RAB27B: variants seen among roughly 807,000 people sequenced by gnomAD.
The protein encoded by RAB27B is ras-related protein Rab-27B.
RAB27B carries 15 observed loss-of-function variants against 24.6 expected under a neutral mutation model. The ratio of observed to expected loss-of-function variants is 0.61; its 90% CI spans 0.41 to 0.94. RAB27B has a LOEUF of 0.94. Among genes scored for constraint, RAB27B ranks in the 40% least tolerant of loss-of-function variants. The pLI is 0.00. For missense variants in RAB27B, 261 were observed against 266.8 expected (o/e 0.98, Z 0.15); for synonymous variants, 105 against 92.5 (o/e 1.14, Z -0.78).
At chr18:54,823,343 T>G (rs1406337812) in intron 2 of RAB27B, among the ~76,000 whole-genome samples, 2 of 152,216 alleles carry the variant, frequency 1.3e-5, no homozygotes, top group Non-Finnish European at 2.9e-5. Flanking sequence ...GGCACACCCG[T>G]GCATAACTTT....
At chr18:54,880,778 C>T (rs543932969) in intron 3 of RAB27B, 2 of 152,170 alleles carry the variant, frequency 1.3e-5, no homozygotes, top group South Asian at 2.1e-4. Context: ...TGCATGATGG[C>T]AGCCTTCTCT....
chr18:54,751,517 T>TG (rs940760473), intron 2 of RAB27B, among the ~76,000 whole-genome samples: 4 of 152,124 alleles, frequency 2.6e-5, no homozygotes, highest in African/African-American at 9.7e-5. Flanking sequence ...TAAATAGACT[T>TG]GGGGGTCACA....
At chr18:54,757,557 CTT>C (rs1217685216) in intron 2 of RAB27B, among the ~76,000 whole-genome samples, 1 of 152,066 alleles carries the variant, frequency 6.6e-6, no homozygotes, top group East Asian at 1.9e-4. Context: ...TTTACAACCT[CTT>C]GTATATATAA....
At chr18:54,782,490 C>T (rs563232589) in intron 2 of RAB27B, among the ~76,000 whole-genome samples, 41 of 152,324 alleles carry the variant, frequency 2.7e-4, no homozygotes, top group Non-Finnish European at 1.3e-4. Flanking sequence ...TAAGAACCTT[C>T]ACTTCCTTCT....
chr18:54,737,632 T>G lies in RAB27B; in HGVS notation c.-20+19491T>G, dbSNP rs532178335. ...TTTGTATTTCCAGCACTTACTGCAG[T>G]GCCTGGCAAAGAGAGATGCTCAATA... On this transcript the variant is annotated intron_variant, in intron 2 of 4. Coordinates refer to the RAB27B transcript ENST00000586570. 1.2e-4 allele frequency among the ~76,000 whole-genome samples: 18 copies of G among 152,226 alleles called. No individual in the cohort carries two copies. The South Asian group carries it at 3.7e-3, about 32-fold the overall frequency.
intron 2 of RAB27B, chr18:54,745,203 T>G (rs992490627): frequency 5.7e-6 from 1 of 176,710 alleles, no homozygotes; most frequent in African/African-American, 2.4e-5. Flanking sequence ...CTTTGCTGTG[T>G]GGACATTGCC....
At chr18:54,833,196 T>A (rs1038620645) in intron 1 of RAB27B, among the ~76,000 whole-genome samples, 1 of 151,298 alleles carries the variant, frequency 6.6e-6, no homozygotes. Context: ...TAAAGAAGGG[T>A]CATCTCCCTC....
intron 1 of RAB27B, among the ~76,000 whole-genome samples, chr18:54,849,928 T>C (rs573079566): frequency 6.6e-4 from 101 of 152,298 alleles, no homozygotes; most frequent in South Asian, 1.9e-3. Context: ...TATTTACTCA[T>C]ACCTTTAAAA....
chr18:54,856,319 C>T (rs1379254169), intron 1 of RAB27B, among the ~76,000 whole-genome samples: 1 of 152,118 alleles, frequency 6.6e-6, no homozygotes, highest in African/African-American at 2.4e-5. Context: ...TTGGTTCCTT[C>T]AAGGAATATA....
rs546533671 is a variant in RAB27B, at chr18:54,853,547, A to C, written c.-19-24020A>C. On this transcript the variant is annotated intron_variant, in intron 1 of 5. Coordinates refer to ENST00000262094, the MANE Select transcript of RAB27B (RefSeq NM_004163.4). ...CTGTGACAGCAACAAGGAAATTGTA[A>C]GTATAGTTTTCTCTAAGTACTGTGA... is the stretch of plus-strand genomic sequence containing the variant. Among the ~76,000 whole-genome samples, 10 of 152,340 alleles carry C rather than the reference A, an allele frequency of 6.6e-5. No individual in the cohort carries two copies. The South Asian group carries it at 2.1e-3, about 32-fold the overall frequency.
chr18:54,888,271 A>C (rs1262985832), intron 5 of RAB27B, 153 bp downstream of exon 5: 3 of 782,164 alleles, frequency 3.8e-6, no homozygotes, highest in Non-Finnish European at 5.7e-6. Context: ...TGATGTATTA[A>C]TGAATTACTT....
intron 2 of RAB27B, among the ~76,000 whole-genome samples, chr18:54,807,305 T>C (rs1311532288): frequency 6.6e-6 from 1 of 152,208 alleles, no homozygotes; most frequent in Non-Finnish European, 1.5e-5. Flanking sequence ...CACCATCACA[T>C]GCTGCATCAG....
intron 2 of RAB27B, among the ~76,000 whole-genome samples, chr18:54,719,559 A>T (rs940337881): frequency 6.6e-6 from 1 of 152,130 alleles, no homozygotes; most frequent in African/African-American, 2.4e-5. Context: ...AACATTTCTT[A>T]GGCAGAGAAA....
At chr18:54,728,163 A>G (rs867302771) in intron 2 of RAB27B, among the ~76,000 whole-genome samples, 10 of 152,280 alleles carry the variant, frequency 6.6e-5, no homozygotes, top group Middle Eastern at 3.4e-3. Flanking sequence ...ATAGGAACAC[A>G]CCAAAAAAGC....
intron 1 of RAB27B, among the ~76,000 whole-genome samples, chr18:54,855,276 TTGCTTCCTCACTGGCTGCTCACCTCC>T (rs1316991548): frequency 6.6e-6 from 1 of 152,144 alleles, no homozygotes; most frequent in Admixed American, 6.5e-5. Flanking sequence ...AGATGAAGCT[TTGCTTCCTCACTGGCTGCTCACCTCC>T]TGCTGTGCAG....
In RAB27B at chr18:54,892,057, C is replaced by T. The variant is rs1338943866; in HGVS notation, c.*2644C>T. The stretch of plus-strand genomic sequence containing the variant: ...TTACAATTTCAAATTGTTCTGGTGC[C>T]ATAAAGTATACAGACTACTTTAAAG... On this transcript the variant is annotated 3_prime_UTR_variant, in exon 6 of 6. Coordinates refer to ENST00000262094, the MANE Select transcript of RAB27B (RefSeq NM_004163.4). The T allele has an allele frequency of 6.6e-6, 1 of 152,012 alleles. No homozygotes were observed. 9.4% of individuals were successfully genotyped at this position (152,012 alleles called of 1,614,324 possible).
chr18:54,813,486 A>G (rs550846987), intron 2 of RAB27B, among the ~76,000 whole-genome samples: 1 of 152,276 alleles, frequency 6.6e-6, no homozygotes, highest in Non-Finnish European at 1.5e-5. Context: ...ATGAGTGGAA[A>G]TGAGTTCACT....
chr18:54,832,625 C>G (rs758370128), intron 1 of RAB27B, among the ~76,000 whole-genome samples: 7 of 152,142 alleles, frequency 4.6e-5, no homozygotes, highest in African/African-American at 1.7e-4. Context: ...GGCTTGAGGA[C>G]GCAGCTCTGG....
chr18:54,858,377 G>GTTTTTT (rs4071703), intron 1 of RAB27B, among the ~76,000 whole-genome samples: 2 of 127,852 alleles, frequency 1.6e-5, no homozygotes, highest in African/African-American at 5.9e-5. Flanking sequence ...CAGGAAAACT[G>GTTTTTT]TTTTTTTTTT....
Sources: gnomAD v4.1 joint callset for allele counts (sites outside exome capture counted in the v4.1 genomes callset) on GRCh38, gnomAD v4.1.1 for gene constraint, MANE v1.5 for transcripts, NCBI Gene and HGNC (gene_info 2026-07-23, HGNC 2026-07-21) for gene names.